The following AMY2B variants were observed in gnomAD, a reference collection of about 807,000 sequenced individuals.
The protein encoded by AMY2B is alpha-amylase 2B.
In AMY2B, 63 loss-of-function variants were observed where a neutral mutation model predicts 59.3. That is an observed-to-expected ratio of 1.06 (90% CI 0.87 to 1.31). The LOEUF (loss-of-function observed/expected upper bound fraction) is 1.31, where lower values mean the gene tolerates loss of function less well. AMY2B is among the 50% of genes most tolerant of loss of function. The pLI, the probability that AMY2B is intolerant of heterozygous loss-of-function variation, is 0.00. For missense variants in AMY2B, 635 were observed against 626.7 expected, an observed-to-expected ratio of 1.01 and a Z score of -0.14; for synonymous variants, 180 against 198.1, an observed-to-expected ratio of 0.91 and a Z score of 0.77.
chr1:103,554,783 C>T (rs865928697), exon 1 of AMY2B: 8 of 152,446 alleles, frequency 5.2e-5, no homozygotes, highest in African/African-American at 1.4e-4. Flanking sequence ...ATTGAAAATT[C>T]GGTTATTATC....
intron 9 of AMY2B, among the ~76,000 whole-genome samples, chr1:103,579,044 C>G (rs1386871418): frequency 6.6e-6 from 1 of 152,282 alleles, no homozygotes; most frequent in East Asian, 1.9e-4. Flanking sequence ...CAAAGTGTGA[C>G]CATTCCTGCC....
At chr1:103,559,187 C>T (rs186009221) in intron 1 of AMY2B, among the ~76,000 whole-genome samples, 2 of 152,116 alleles carry the variant, frequency 1.3e-5, no homozygotes, top group Admixed American at 6.6e-5. Context: ...AGTCGTGCAC[C>T]GCATATATGA....
intron 2 of AMY2B, among the ~76,000 whole-genome samples, chr1:103,566,302 G>A (rs1481389143): frequency 1.3e-5 from 2 of 151,986 alleles, no homozygotes; most frequent in Non-Finnish European, 2.9e-5. Context: ...TTTTGTGTAT[G>A]GACATATCCC....
chr1:103,558,790 A>C (rs1292218569), intron 1 of AMY2B, among the ~76,000 whole-genome samples: 1 of 151,694 alleles, frequency 6.6e-6, no homozygotes, highest in Non-Finnish European at 1.5e-5. Flanking sequence ...GCTGTCATTA[A>C]TACATTTTTC....
rs960433767 is a variant in AMY2B at position 103,571,920 on chromosome 1, T to C, written c.168+150T>C. On this transcript the variant is annotated intron_variant, in intron 1 of 9. Transcript: ENST00000684275. ...CTGAGGAAAAAACAATGTAGTATTC[T>C]TGGCAACTTTATATTTTGTTTCTGA... 15 of 1,563,236 alleles carry C rather than the reference T, an allele frequency of 9.6e-6. No homozygotes were observed. The African/African-American group carries it at 1.9e-4, about 20-fold the overall frequency.
chr1:103,570,436 A>T, upstream of AMY2B: 1 of 852,488 alleles, frequency 1.2e-6, no homozygotes, highest in South Asian at 1.3e-5. Context: ...CTGTAGGCCA[A>T]CACGGTGCTA....
intron 9 of AMY2B, 96 bp downstream of exon 9, chr1:103,577,941 T>C (rs1320533528): frequency 6.4e-7 from 1 of 1,569,582 alleles, no homozygotes. Context: ...ATCTGAAAAA[T>C]CATGTAGTCA....
chr1:103,575,333 T>C lies in AMY2B; in HGVS notation c.989T>C (p.Phe330Ser). 6.2e-7 allele frequency: 1 copy of C among 1,613,576 alleles called. No homozygotes were observed. Among genetic ancestry groups the C allele is most frequent in the Non-Finnish European group, 8.5e-7 (1 of 1,179,682 alleles). ...HGAGGASILT[F>S]WDARLYKMAV... is the part of the protein sequence containing the mutation. Reference sequence around the variant, plus strand: ...GCTGGAGGAGCCTCTATTCTTACCTTCTGGGATGCTAGGTAGAAAACCAAG... The same window carrying C: ...GCTGGAGGAGCCTCTATTCTTACCTCCTGGGATGCTAGGTAGAAAACCAAG... The change falls in exon 6 of 10, where the codon TTC becomes TCC. Residue 330 changes from phenylalanine (F) to serine (S), a missense_variant. Phe to Ser is a radical substitution (Grantham distance 155). Coordinates refer to ENST00000684275, the MANE Select transcript of AMY2B (RefSeq NM_001387437.1).
intron 3 of AMY2B, 89 bp downstream of exon 3, chr1:103,573,349 C>G (rs564684717): frequency 1.3e-6 from 2 of 1,590,972 alleles, no homozygotes; most frequent in Non-Finnish European, 1.7e-6. Context: ...ATTTTAAATA[C>G]GAATTTAGAT....
At chr1:103,571,157 C>T, upstream of AMY2B, 3 of 935,840 alleles carry the variant, frequency 3.2e-6, no homozygotes, top group Non-Finnish European at 4.0e-6. Context: ...TTCTTAGCTT[C>T]TGTTGTCTGC....
At chr1:103,559,954 A>G (rs1445844662) in intron 1 of AMY2B, among the ~76,000 whole-genome samples, 1 of 152,204 alleles carries the variant, frequency 6.6e-6, no homozygotes, top group Non-Finnish European at 1.5e-5. Flanking sequence ...AAACATGTAT[A>G]CAGATGTTCA....
chr1:103,556,531 T>C (rs374014067), intron 1 of AMY2B, among the ~76,000 whole-genome samples: 1 of 151,688 alleles, frequency 6.6e-6, no homozygotes, highest in African/African-American at 2.4e-5. Flanking sequence ...AAGAGTGGGG[T>C]GGCTGAAATT....
intron 1 of AMY2B, chr1:103,555,303 T>A (rs1403618435): frequency 6.6e-6 from 1 of 151,554 alleles, no homozygotes; most frequent in Non-Finnish European, 1.5e-5. Flanking sequence ...TTATAAAAAA[T>A]ATATATAATT....
At position 103,577,854 on chromosome 1, in the gene AMY2B, A is replaced by T. The variant is rs777573078; in HGVS notation, c.1346+9A>T. The T allele has an allele frequency of 4.9e-5, 78 of 1,600,072 alleles. No homozygotes were observed. The highest frequency in any genetic ancestry group is 6.4e-5 in the Non-Finnish European group (76 of 1,179,602). The stretch of plus-strand genomic sequence containing the variant: ...TTCAACAATGATGACTGGTAAGTAC[A>T]TATCAATTAAAAATAATATTTTGTA... On this transcript the variant is annotated intron_variant, in intron 9 of 9. Transcript: ENST00000684275.
chr1:103,561,973 A>G (rs1359239666), intron 1 of AMY2B: 2 of 152,240 alleles, frequency 1.3e-5, no homozygotes, highest in East Asian at 3.8e-4. Flanking sequence ...AAGATTCTAA[A>G]TTCAGCAATT....
intron 3 of AMY2B, 47 bp from the exon 4 acceptor site, chr1:103,573,661 G>GA (rs745695771): frequency 4.3e-6 from 7 of 1,609,418 alleles, no homozygotes; most frequent in African/African-American, 4.0e-5. Context: ...ATTCTCATGT[G>GA]AAAAATGAGG....
chr1:103,556,724 T>A (rs977395484), intron 1 of AMY2B, among the ~76,000 whole-genome samples: 7 of 151,760 alleles, frequency 4.6e-5, no homozygotes, highest in African/African-American at 1.7e-4. Flanking sequence ...AGGAGATGAA[T>A]TCAAGAAATT....
At chr1:103,557,107 G>A (rs1349465116) in intron 1 of AMY2B, among the ~76,000 whole-genome samples, 8 of 151,912 alleles carry the variant, frequency 5.3e-5, no homozygotes, top group Non-Finnish European at 7.4e-5. Context: ...TATATAGAGC[G>A]TCCATTTAAA....
chr1:103,557,333 C>T (rs1433647042), intron 1 of AMY2B, among the ~76,000 whole-genome samples: 1 of 151,982 alleles, frequency 6.6e-6, no homozygotes, highest in Admixed American at 6.6e-5. Context: ...GTGGTTGTAT[C>T]TATTTAAAAG....
Sources: gnomAD v4.1 joint callset for allele counts (sites outside exome capture counted in the v4.1 genomes callset) on GRCh38, gnomAD v4.1.1 for gene constraint, MANE v1.5 for transcripts, NCBI Gene and HGNC (gene_info 2026-07-23, HGNC 2026-07-21) for gene names.